The following CYP2A6 variants were observed in gnomAD, a reference collection of about 807,000 sequenced individuals.
CYP2A6 encodes cytochrome P450 family 2 subfamily A member 6.
CYP2A6 carries 27 observed loss-of-function variants against 42.3 expected under a neutral mutation model. The ratio of observed to expected loss-of-function variants is 0.64; its 90% CI spans 0.47 to 0.88. The LOEUF (loss-of-function observed/expected upper bound fraction) is 0.88, where lower values mean the gene tolerates loss of function less well. CYP2A6 is among the 40% of genes least tolerant of loss of function. CYP2A6 has a pLI of 0.00. For synonymous variants in CYP2A6, 238 were observed against 246.3 expected, an observed-to-expected ratio of 0.97 and a Z score of 0.31; for missense variants, 628 against 646.0, an observed-to-expected ratio of 0.97 and a Z score of 0.30.
rs4986891 is a variant in CYP2A6, at chr19:40,848,724, C to T, written c.383G>A (p.Arg128Gln). ...CCGCAGGGTGGCGATGGAGAAGCGC[C>T]GGAGCTGCTTGGCGCGCTCCCCGTT... Reference protein sequence around the residue: ...FSNGERAKQLRRFSIATLRDF... With the variant: ...FSNGERAKQLQRFSIATLRDF... Residue 128 changes from arginine to glutamine, a missense_variant, in exon 3 of 9, where the codon CGG (arginine) becomes CAG (glutamine). Around this residue, in one of 2 missense-constraint regions of CYP2A6, gnomAD observed 606 missense variants for 568.1 expected, o/e 1.07. Coordinates refer to ENST00000301141, the MANE Select transcript of CYP2A6 (RefSeq NM_000762.6). 20 of 1,611,604 alleles carry T rather than the reference C, an allele frequency of 1.2e-5. 1 individual carries two copies. The East Asian group carries it at 3.5e-4, about 28-fold the overall frequency.
chr19:40,845,854 G>T, intron 6 of CYP2A6, 102 bp downstream of exon 6: 1 of 1,523,538 alleles, frequency 6.6e-7, no homozygotes, highest in African/African-American at 1.4e-5. Flanking sequence ...AGCAAGTCAC[G>T]TCTCAGGGTC....
At chr19:40,845,505 TTAGG>T in intron 6 of CYP2A6, 24 bp from the exon 7 acceptor site, 1 of 1,610,306 alleles carries the variant, frequency 6.2e-7, no homozygotes, top group South Asian at 1.1e-5. Flanking sequence ...GGGAATGTGT[TTAGG>T]TATCTAGGGG....
intron 8 of CYP2A6, 68 bp downstream of exon 8, chr19:40,844,563 G>C: frequency 6.2e-7 from 1 of 1,608,984 alleles, no homozygotes; most frequent in Non-Finnish European, 8.5e-7. Flanking sequence ...ACCGCAGAGA[G>C]GGGAGGAGGG....
At chr19:40,849,216 G>A (rs1369696894) in intron 2 of CYP2A6, among the ~76,000 whole-genome samples, 1 of 151,072 alleles carries the variant, frequency 6.6e-6, no homozygotes, top group Non-Finnish European at 1.5e-5. Context: ...GAAAGAGAGT[G>A]ATGGAGGAAG....
rs1357940718 is a variant in CYP2A6 at position 40,849,007 on chromosome 19, A to AG, written c.344-245dup. On this transcript the variant is annotated intron_variant, in intron 2 of 8. Coordinates refer to ENST00000301141, the MANE Select transcript of CYP2A6 (RefSeq NM_000762.6). The stretch of plus-strand genomic sequence containing the variant: ...AGAGAGGAGAGAGAGAGAGAGAGAG[A>AG]GAGAAGAGAGAGAGGAGAGAGAGAG... Among the ~76,000 whole-genome samples the AG allele has an allele frequency of 2.9e-4, 24 of 83,162 alleles. 1 individual carries two copies. Among genetic ancestry groups the AG allele is most frequent in the South Asian group, 8.5e-4 (2 of 2,352 alleles). The allele number at this position is 83,162 out of a possible 152,430, so 54.6% of individuals were successfully genotyped here.
At chr19:40,849,721 T>G (rs763891242) in intron 2 of CYP2A6, 97 bp downstream of exon 2, 10 of 1,571,506 alleles carry the variant, frequency 6.4e-6, no homozygotes, top group African/African-American at 1.4e-5. Flanking sequence ...GGACTCTGCC[T>G]TAGCCTCCAG....
rs1280702181 is a variant in CYP2A6, at chr19:40,844,983, G to C, written c.1162-211C>G. The C allele has an allele frequency of 1.5e-4, 105 of 700,658 alleles. 15 individuals carry two copies. In the East Asian group the frequency reaches 3.2e-3, roughly 21 times the overall value. 43.4% of individuals were successfully genotyped at this position (700,658 alleles called of 1,614,324 possible). Reference sequence around the variant, plus strand: ...GAGACATGGGGTCCATGTCCTTCTAGGCAGGAGTTTGGGGGACCTGAGATT... The same window carrying C: ...GAGACATGGGGTCCATGTCCTTCTACGCAGGAGTTTGGGGGACCTGAGATT... On this transcript the variant is annotated intron_variant, in intron 7 of 8. Coordinates refer to ENST00000301141, the MANE Select transcript of CYP2A6 (RefSeq NM_000762.6).
intron 2 of CYP2A6, among the ~76,000 whole-genome samples, chr19:40,849,045 G>GAGAGAGAAGAGAGAGAGGAGAGA (rs1235580651): frequency 1.2e-4 from 3 of 24,240 alleles, no homozygotes; most frequent in South Asian, 1.9e-3. Context: ...AAGAGAGAGA[G>GAGAGAGAAGAGAGAGAGGAGAGA]GAGAGAGAGA....
intron 8 of CYP2A6, 99 bp from the exon 9 acceptor site, chr19:40,844,076 G>A: frequency 3.4e-6 from 5 of 1,484,698 alleles, no homozygotes; most frequent in African/African-American, 1.4e-5. Context: ...GGGAGGAAGG[G>A]TGGAATATTA....
chr19:40,845,195 T>A, intron 7 of CYP2A6, 99 bp downstream of exon 7: 1 of 1,481,782 alleles, frequency 6.7e-7, no homozygotes, highest in Non-Finnish European at 9.3e-7. Flanking sequence ...ATTGAGGGAG[T>A]GGGACAGGGT....
In CYP2A6 at chr19:40,850,354, G is replaced by A. The variant is rs753944846; in HGVS notation, c.73C>T (p.Gln25Ter). Residue 25 changes from glutamine to a stop codon, truncating the protein, a stop_gained, in exon 1 of 9, where the codon CAG (glutamine) becomes TAG (stop). Coordinates refer to ENST00000301141, the MANE Select transcript of CYP2A6 (RefSeq NM_000762.6). LOFTEE classifies it high-confidence loss of function. ...LTVMVLMSVW[Q>*]QRKSKGKLPP... ...AGCTTCCCCTTGCTCTTCCTCTGCT[G>A]CCAAACAGACATCAAGACCATTACA... The A allele has an allele frequency of 2.5e-6, 4 of 1,610,256 alleles. No homozygotes were observed. Among genetic ancestry groups the A allele is most frequent in the Non-Finnish European group, 3.4e-6 (4 of 1,178,888 alleles).
At position 40,848,627 on chromosome 19, in the gene CYP2A6, G is replaced by T. The variant is rs1967142925; in HGVS notation, c.480C>A (p.Leu160=). The change falls in exon 3 of 9, where the codon CTC becomes CTA. Residue 160 remains leucine, a synonymous_variant. Transcript: ENST00000301141. ...TCCCCTGCTCACCGCCAGTGCCCCG[G>T]AGGGCGTCGATGAGGAAGCCCGCCT... ...QEEAGFLIDA[L]RGTGGANIDP... is the part of the protein sequence containing the mutation. 1 of 1,611,520 alleles carries T rather than the reference G, an allele frequency of 6.2e-7. No individual in the cohort carries two copies. Among genetic ancestry groups the T allele is most frequent in the Non-Finnish European group, 8.5e-7 (1 of 1,179,760 alleles).
chr19:40,848,328 A>C lies in CYP2A6; in HGVS notation c.545T>G (p.Ile182Ser). The change falls in exon 4 of 9, where the codon ATC (isoleucine) becomes AGC (serine). Residue 182 changes from isoleucine (I) to serine (S), a missense_variant. This residue lies in a region of CYP2A6 where 606 missense variants were observed against 568.1 expected (regional missense o/e 1.07). Coordinates refer to ENST00000301141, the MANE Select transcript of CYP2A6 (RefSeq NM_000762.6). ...GCGGTCCCCAAAGACAATGGAGCTG[A>C]TGACATTGGAGACTGTGCGGCTCAG... ...FFLSRTVSNV[I>S]SSIVFGDRFD... is the part of the protein sequence containing the mutation. The C allele has an allele frequency of 6.2e-7, 1 of 1,611,982 alleles. No homozygotes were observed. Among genetic ancestry groups the C allele is most frequent in the South Asian group, 1.1e-5 (1 of 90,938 alleles).
intron 2 of CYP2A6, among the ~76,000 whole-genome samples, 177 bp from the exon 3 acceptor site, chr19:40,848,940 T>TAGAGAGAGAG (rs67032351): frequency 9.1e-5 from 6 of 66,118 alleles, no homozygotes; most frequent in African/African-American, 4.2e-4. Flanking sequence ...GATGTCGAGG[T>TAGAGAGAGAG]AGAGAGAGAG....
At chr19:40,844,513 T>A in intron 8 of CYP2A6, 118 bp downstream of exon 8, 1 of 1,570,124 alleles carries the variant, frequency 6.4e-7, no homozygotes, top group Non-Finnish European at 8.7e-7. Context: ...CAAGGGTAGA[T>A]TCTAACAGGA....
At chr19:40,845,921 T>G (rs2083453954) in intron 6 of CYP2A6, 35 bp downstream of exon 6, 2 of 1,605,638 alleles carry the variant, frequency 1.2e-6, no homozygotes, top group Non-Finnish European at 1.7e-6. Flanking sequence ...TTTGAGGGTC[T>G]GGGGCCCTCC....
chr19:40,847,292 A>G (rs569231510), intron 4 of CYP2A6, among the ~76,000 whole-genome samples: 1 of 151,702 alleles, frequency 6.6e-6, no homozygotes, highest in East Asian at 2.0e-4. Flanking sequence ...GGTTTCAGGT[A>G]TTTAAACGAG....
chr19:40,849,248 A>T (rs1347836507), intron 2 of CYP2A6, among the ~76,000 whole-genome samples: 1 of 150,864 alleles, frequency 6.6e-6, no homozygotes, highest in Non-Finnish European at 1.5e-5. Context: ...AGGGGAAGTG[A>T]GATATGGGGA....
rs1488959980 is a variant in CYP2A6 at position 40,845,314 on chromosome 19, G to A, written c.1141C>T (p.Arg381Trp). ...ARRVKKDTKF[R>W]DFFLPKGTEV... ...AGCACCTTAGGGAGGAAGAAATCCC[G>A]AAACTTGGTGTCCTTTTTGACTCTG... The change falls in exon 7 of 9, where the codon CGG becomes TGG. Residue 381 changes from arginine to tryptophan, a missense_variant. This residue lies in a region of CYP2A6 where 606 missense variants were observed against 568.1 expected (regional missense o/e 1.07). Coordinates refer to ENST00000301141, the MANE Select transcript of CYP2A6 (RefSeq NM_000762.6). The A allele has an allele frequency of 1.4e-5, 22 of 1,611,470 alleles. 1 individual carries two copies. The highest frequency in any genetic ancestry group is 4.0e-5 in the African/African-American group (3 of 74,518).
Sources: gnomAD v4.1 joint callset for allele counts (sites outside exome capture counted in the v4.1 genomes callset) on GRCh38, gnomAD v4.1.1 for gene constraint, gnomAD v4.1.1 regional missense constraint, MANE v1.5 for transcripts, NCBI Gene and HGNC (gene_info 2026-07-23, HGNC 2026-07-21) for gene names.